Variants in TTC6 observed in about 807,000 individuals in gnomAD.
The protein encoded by TTC6 is tetratricopeptide repeat domain 6.
In TTC6, 172 loss-of-function variants were observed where a neutral mutation model predicts 210.4. The ratio of observed to expected loss-of-function variants is 0.82; its 90% CI spans 0.72 to 0.93. The LOEUF is 0.93. TTC6 is among the 40% of genes least tolerant of loss of function. TTC6 has a pLI of 0.00. For missense variants in TTC6, 2,414 were observed against 2,318.1 expected (o/e 1.04, Z -0.85); for synonymous variants, 804 against 819.6 (o/e 0.98, Z 0.32).
chr14:37,815,282 C>G (rs1481275546), intron 25 of TTC6, among the ~76,000 whole-genome samples: 1 of 151,940 alleles, frequency 6.6e-6, no homozygotes, highest in Non-Finnish European at 1.5e-5. Flanking sequence ...AGCAGTGGTC[C>G]CCAGCCTTTT....
At chr14:37,727,486 G>A (rs1004440844) in intron 7 of TTC6, among the ~76,000 whole-genome samples, 7 of 151,252 alleles carry the variant, frequency 4.6e-5, no homozygotes, top group South Asian at 4.2e-4. Flanking sequence ...GTAGAGATGG[G>A]GTTTCACTGT....
intron 1 of TTC6, among the ~76,000 whole-genome samples, chr14:37,654,586 CCAGT>C (rs1383689723): frequency 6.6e-6 from 1 of 152,010 alleles, no homozygotes; most frequent in Non-Finnish European, 1.5e-5. Context: ...TATAAATGAC[CCAGT>C]CTCAGGTATT....
chr14:37,800,265 A>C (rs1381095415), intron 20 of TTC6, among the ~76,000 whole-genome samples: 1 of 152,116 alleles, frequency 6.6e-6, no homozygotes, highest in Non-Finnish European at 1.5e-5. Flanking sequence ...GCTTAGTAAA[A>C]TTTTCTCATT....
At chr14:37,828,192 A>G (rs2096176731) in intron 29 of TTC6, among the ~76,000 whole-genome samples, 1 of 152,128 alleles carries the variant, frequency 6.6e-6, no homozygotes, top group Non-Finnish European at 1.5e-5. Context: ...TTGGGTCATT[A>G]GATGATGATA....
chr14:37,817,640 G>A, exon 26 of TTC6: 2 of 1,614,010 alleles, frequency 1.2e-6, no homozygotes, highest in Non-Finnish European at 1.7e-6. Flanking sequence ...CCACTGCCAT[G>A]TGCCATCACA....
At chr14:37,826,393 T>G in intron 28 of TTC6, 46 bp downstream of exon 30, 2 of 1,453,512 alleles carry the variant, frequency 1.4e-6, no homozygotes, top group Non-Finnish European at 1.8e-6. Flanking sequence ...AAATTAACAC[T>G]GTCAATGAAT....
exon 8 of TTC6, chr14:37,735,956 G>A (rs1595172951): frequency 6.5e-7 from 1 of 1,534,098 alleles, no homozygotes; most frequent in Non-Finnish European, 8.7e-7. Flanking sequence ...CTGATAAATT[G>A]TCATATAAAA....
At chr14:37,644,337 T>A (rs2095697792) in intron 1 of TTC6, among the ~76,000 whole-genome samples, 1 of 152,214 alleles carries the variant, frequency 6.6e-6, no homozygotes, top group Non-Finnish European at 1.5e-5. Flanking sequence ...ATTTGAGTGC[T>A]CCACTGACTC....
chr14:37,622,794 G>A, exon 1 of TTC6: 1 of 1,534,556 alleles, frequency 6.5e-7, no homozygotes, highest in South Asian at 1.2e-5. Flanking sequence ...GGAAGCGGCG[G>A]GGTTAGGAGC....
chr14:37,631,956 A>G (rs150658075), intron 1 of TTC6, among the ~76,000 whole-genome samples: 4 of 151,994 alleles, frequency 2.6e-5, no homozygotes, highest in African/African-American at 9.7e-5. Context: ...ATGTTTTTTC[A>G]GCTTCATCAG....
At chr14:37,840,729 GA>G (rs1438129764) in intron 29 of TTC6, among the ~76,000 whole-genome samples, 1 of 152,124 alleles carries the variant, frequency 6.6e-6, no homozygotes, top group African/African-American at 2.4e-5. Context: ...CACCTAAACA[GA>G]ACCAATGACA....
chr14:37,638,908 C>T (rs945396080), intron 1 of TTC6, among the ~76,000 whole-genome samples: 5 of 152,132 alleles, frequency 3.3e-5, no homozygotes, highest in Admixed American at 2.6e-4. Context: ...AATATATTCT[C>T]TTTAAACCCC....
chr14:37,631,612 A>G (rs2095670060), intron 1 of TTC6, among the ~76,000 whole-genome samples: 1 of 152,048 alleles, frequency 6.6e-6, no homozygotes, highest in South Asian at 2.1e-4. Flanking sequence ...TTCTCAAGGA[A>G]TGTCTTTGTG....
intron 4 of TTC6, among the ~76,000 whole-genome samples, chr14:37,701,124 C>T (rs1352029225): frequency 6.6e-6 from 1 of 152,120 alleles, no homozygotes; most frequent in African/African-American, 2.4e-5. Flanking sequence ...AGCTATTCAG[C>T]AGGCAGTTGG....
rs569641052 is a variant in TTC6 at position 37,748,912 on chromosome 14, T to TA, written c.2364-20dup. 484 of 1,424,358 alleles carry TA rather than the reference T, an allele frequency of 3.4e-4. 3 individuals are homozygous for TA. In the African/African-American group the frequency reaches 5.3e-3, roughly 16 times the overall value. 88.2% of individuals were successfully genotyped at this position (1,424,358 alleles called of 1,614,324 possible). ...GAAAGATGATTGTATTTCTGTAATTTAAAAAAATCACTCTTTTAAAAACTA... is the reference window on the plus strand; with the variant it reads ...GAAAGATGATTGTATTTCTGTAATTTAAAAAAAATCACTCTTTTAAAAACTA... On this transcript the variant is annotated intron_variant, in intron 10 of 30. Coordinates refer to ENST00000553443, the Ensembl canonical transcript of TTC6.
intron 8 of TTC6, among the ~76,000 whole-genome samples, chr14:37,736,453 T>A (rs1445591681): frequency 1.3e-5 from 2 of 152,216 alleles, no homozygotes; most frequent in Non-Finnish European, 2.9e-5. Flanking sequence ...ATATGCTGTT[T>A]TTATGACTGT....
chr14:37,608,333 A>T (rs894661905), intron 2 of TTC6, among the ~76,000 whole-genome samples: 3 of 151,926 alleles, frequency 2.0e-5, no homozygotes, highest in Non-Finnish European at 2.9e-5. Context: ...TTTTTGAGAC[A>T]GGATCTCATT....
chr14:37,764,480 A>G (rs1206799505), intron 14 of TTC6, among the ~76,000 whole-genome samples: 2 of 152,144 alleles, frequency 1.3e-5, no homozygotes, highest in Admixed American at 6.6e-5. Flanking sequence ...TATAATGGTC[A>G]TATCTTACTG....
chr14:37,752,528 T>TA (rs397734578), intron 13 of TTC6, among the ~76,000 whole-genome samples: 29 of 151,764 alleles, frequency 1.9e-4, no homozygotes, highest in Admixed American at 7.2e-4. Flanking sequence ...TTTTTTTTTT[T>TA]ATTTTAAAAA....
Sources: allele counts gnomAD v4.1 joint callset (sites outside exome capture counted in the v4.1 genomes callset), GRCh38; gene constraint gnomAD v4.1.1; transcripts MANE v1.5; gene names NCBI Gene and HGNC (gene_info 2026-07-23, HGNC 2026-07-21).